Variants in EDNRA observed in about 807,000 individuals in gnomAD.
EDNRA encodes endothelin receptor type A, also known as endothelin-1 receptor.
EDNRA carries 11 observed loss-of-function variants against 41.4 expected under a neutral mutation model. That is an observed-to-expected ratio of 0.27 (90% confidence interval 0.17 to 0.44). The LOEUF (loss-of-function observed/expected upper bound fraction) is 0.44. EDNRA is among the 20% of genes least tolerant of loss of function. The probability of loss-of-function intolerance (pLI) is 1.00; values close to 1 mark genes in which losing one functional copy is unlikely to be tolerated. For synonymous variants in EDNRA, 172 were observed against 183.0 expected, an observed-to-expected ratio of 0.94 and a Z score of 0.49; for missense variants, 294 against 531.0, an observed-to-expected ratio of 0.55 and a Z score of 4.39.
At chr4:147,522,305 A>C (rs1730354818) in intron 3 of EDNRA, among the ~76,000 whole-genome samples, 1 of 152,148 alleles carries the variant, frequency 6.6e-6, no homozygotes, top group African/African-American at 2.4e-5. Flanking sequence ...TTGTGAGGCC[A>C]AGGTGGGCAG....
chr4:147,521,513 C>T (rs1210307941), intron 3 of EDNRA, among the ~76,000 whole-genome samples: 1 of 152,138 alleles, frequency 6.6e-6, no homozygotes, highest in Non-Finnish European at 1.5e-5. Context: ...CCATAAAAAG[C>T]TGAATAAACA....
At position 147,519,325 on chromosome 4, in the gene EDNRA, G is replaced by A. The variant is rs1191334346; in HGVS notation, c.421-526G>A. 6.6e-6 allele frequency among the ~76,000 whole-genome samples: 1 copy of A among 152,026 alleles called. No individual in the cohort carries two copies. The highest frequency in any genetic ancestry group is 2.4e-5 in the African/African-American group (1 of 41,382). ...CCCTAACCTTTCATTCTTAATTTCA[G>A]AGACAATATAATCTGCCAATTCCAG... On this transcript the variant is annotated intron_variant, in intron 2 of 7. Transcript: ENST00000651419. The surrounding 1 kb of genome is among the most constrained non-coding windows in gnomAD (Gnocchi z 4.1).
rs548409498 is a variant in EDNRA, at chr4:147,525,602, A to T, written c.548+5624A>T. On this transcript the variant is annotated intron_variant, in intron 3 of 7. Coordinates refer to ENST00000651419, the MANE Select transcript of EDNRA (RefSeq NM_001957.4). ...TTTGAGTTTGTTTGGAGGCAAAAAA[A>T]AAAAAAGCAGCAGCAGGAGAGGGGT... 5.9e-5 allele frequency among the ~76,000 whole-genome samples: 9 copies of T among 151,432 alleles called. No individual in the cohort carries two copies. In the South Asian group the frequency reaches 1.9e-3, roughly 31 times the overall value.
At chr4:147,484,271 A>G (rs755666582) in intron 1 of EDNRA, among the ~76,000 whole-genome samples, 2 of 152,166 alleles carry the variant, frequency 1.3e-5, no homozygotes, top group Non-Finnish European at 1.5e-5. Context: ...AAAATAAATA[A>G]ATAAATAAAT....
chr4:147,520,756 C>G (rs1474928039), intron 3 of EDNRA, among the ~76,000 whole-genome samples: 1 of 152,226 alleles, frequency 6.6e-6, no homozygotes, highest in Non-Finnish European at 1.5e-5. Context: ...TTCATTCTAA[C>G]TCATTCCCTG....
chr4:147,497,427 C>T (rs1729343764), intron 2 of EDNRA, among the ~76,000 whole-genome samples: 1 of 152,078 alleles, frequency 6.6e-6, no homozygotes, highest in Non-Finnish European at 1.5e-5. Context: ...CAGATCAACT[C>T]ACACATTGAC....
chr4:147,490,752 G>C (rs1037984692), intron 2 of EDNRA: 1 of 152,102 alleles, frequency 6.6e-6, no homozygotes, highest in Non-Finnish European at 1.5e-5. Context: ...TAGGGAGATG[G>C]GTTATAATTT....
chr4:147,524,673 T>C (rs1441584014), intron 3 of EDNRA, among the ~76,000 whole-genome samples: 1 of 152,156 alleles, frequency 6.6e-6, no homozygotes, highest in Non-Finnish European at 1.5e-5. Context: ...GGTCTTTCCT[T>C]GAAAATAAAC....
intron 2 of EDNRA, chr4:147,490,926 T>G (rs1346117478): frequency 6.6e-6 from 1 of 152,114 alleles, no homozygotes; most frequent in Non-Finnish European, 1.5e-5. Context: ...GATGTATGTA[T>G]GAGAGAGATG....
At chr4:147,526,578 C>T (rs1730556817) in intron 3 of EDNRA, among the ~76,000 whole-genome samples, 1 of 152,220 alleles carries the variant, frequency 6.6e-6, no homozygotes, top group Non-Finnish European at 1.5e-5. Context: ...AAAGTAGTCA[C>T]AGGCCAGCTC....
At chr4:147,485,433 C>T (rs571096855) in intron 1 of EDNRA, among the ~76,000 whole-genome samples, 179 bp from the exon 2 acceptor site, 2 of 152,064 alleles carry the variant, frequency 1.3e-5, no homozygotes, top group Admixed American at 1.3e-4. Flanking sequence ...TAGAGCTTGC[C>T]CTAATAGAGC....
At chr4:147,506,817 G>T in intron 2 of EDNRA, 1 of 193,196 alleles carries the variant, frequency 5.2e-6, no homozygotes, top group Non-Finnish European at 1.1e-5. Flanking sequence ...TAAGCAAAAC[G>T]CATTGATACT....
At chr4:147,510,005 G>A (rs60509871) in intron 2 of EDNRA, among the ~76,000 whole-genome samples, 3,005 of 152,192 alleles carry the variant, frequency 0.02, 89 homozygotes, top group African/African-American at 0.069. Flanking sequence ...GTTGGGGACC[G>A]CTGATCTAGA....
intron 2 of EDNRA, among the ~76,000 whole-genome samples, chr4:147,508,349 G>A (rs1729799581): frequency 6.6e-6 from 1 of 152,106 alleles, no homozygotes; most frequent in East Asian, 1.9e-4. Flanking sequence ...ATGTTGTCCA[G>A]GCTGGTCTCA....
rs527438754 is a variant in EDNRA at position 147,485,464 on chromosome 4, G to T, written c.-70-148G>T. Reference sequence around the variant, plus strand: ...AGAGCTTCAGTTTTTTTCTGGTTTTGCTCTGTCATAGGGTAACCTGATATA... The same window carrying T: ...AGAGCTTCAGTTTTTTTCTGGTTTTTCTCTGTCATAGGGTAACCTGATATA... On this transcript the variant is annotated intron_variant, in intron 1 of 7. Coordinates refer to ENST00000651419, the MANE Select transcript of EDNRA (RefSeq NM_001957.4). The T allele has an allele frequency of 1.2e-5, 7 of 579,252 alleles. No homozygotes were observed. In the South Asian group the frequency reaches 1.7e-4, roughly 14 times the overall value. The allele number at this position is 579,252 out of a possible 1,614,324, so 35.9% of individuals were successfully genotyped here.
Position 147,520,024 on chromosome 4 carries a change from CATTTTTCTCAAA to C in EDNRA, c.548+48_548+59del, listed in dbSNP as rs1204436169. On this transcript the variant is annotated intron_variant, in intron 3 of 7. Transcript: ENST00000651419. ...TGCTCTTTGGCTGGGCTTAGAAAAG[CATTTTTCTCAAA>C]AAGAAGAAAAGTCAAGAGAATTCGT... 3 of 1,561,816 alleles carry C rather than the reference CATTTTTCTCAAA, an allele frequency of 1.9e-6. No individual in the cohort carries two copies. In the Admixed American group the frequency reaches 6.0e-5, roughly 31 times the overall value.
intron 2 of EDNRA, chr4:147,493,134 T>A (rs1729194606): frequency 6.6e-6 from 1 of 152,140 alleles, no homozygotes; most frequent in African/African-American, 2.4e-5. Flanking sequence ...TGGCTGATGA[T>A]GTTCCCCCAT....
At chr4:147,487,309 G>A (rs983797930) in intron 2 of EDNRA, among the ~76,000 whole-genome samples, 3 of 152,122 alleles carry the variant, frequency 2.0e-5, no homozygotes, top group Non-Finnish European at 2.9e-5. Flanking sequence ...AACTAAAGCC[G>A]AAGGAATTAC....
At chr4:147,487,424 A>G (rs1728986984) in intron 2 of EDNRA, among the ~76,000 whole-genome samples, 1 of 152,224 alleles carries the variant, frequency 6.6e-6, no homozygotes, top group Non-Finnish European at 1.5e-5. Context: ...ATTTTATGAA[A>G]TGTGTTTATT....
Sources: gnomAD v4.1 joint callset for allele counts (sites outside exome capture counted in the v4.1 genomes callset) on GRCh38, gnomAD v4.1.1 for gene constraint, Gnocchi (gnomAD v3.1) non-coding constraint, MANE v1.5 for transcripts, NCBI Gene and HGNC (gene_info 2026-07-23, HGNC 2026-07-21) for gene names.